Variants in CHRM3 observed in about 807,000 individuals in gnomAD.
CHRM3 encodes muscarinic acetylcholine receptor M3.
Under a neutral mutation model 41.8 loss-of-function variants are expected in CHRM3, and 11 were observed. The observed-to-expected ratio is 0.26, with a 90% CI of 0.17 to 0.44. The LOEUF (loss-of-function observed/expected upper bound fraction) is 0.44. Ranked by LOEUF, CHRM3 falls within the 20% of genes least tolerant of loss-of-function variation. CHRM3 has a pLI of 1.00. For synonymous variants in CHRM3, 297 were observed against 301.4 expected, an observed-to-expected ratio of 0.99 and a Z score of 0.15; for missense variants, 571 against 745.4, an observed-to-expected ratio of 0.77 and a Z score of 2.72.
chr1:239,853,832 A>T (rs1489514640), intron 6 of CHRM3, among the ~76,000 whole-genome samples: 1 of 152,140 alleles, frequency 6.6e-6, no homozygotes, highest in Non-Finnish European at 1.5e-5. Flanking sequence ...GCCATAAAAA[A>T]TAATTTTTGA....
chr1:239,467,336 C>G (rs1281784531), intron 1 of CHRM3, among the ~76,000 whole-genome samples: 1 of 152,128 alleles, frequency 6.6e-6, no homozygotes, highest in African/African-American at 2.4e-5. Flanking sequence ...GATTCTCGCT[C>G]TGTCACCCAG....
chr1:239,824,253 G>A (rs141243338), intron 5 of CHRM3, among the ~76,000 whole-genome samples: 40 of 152,202 alleles, frequency 2.6e-4, no homozygotes, highest in Admixed American at 5.9e-4. Flanking sequence ...TGTGAGCTAC[G>A]GCAGAGAACA....
chr1:239,858,303 C>T (rs1675289254), intron 6 of CHRM3, among the ~76,000 whole-genome samples: 1 of 152,080 alleles, frequency 6.6e-6, no homozygotes, highest in Admixed American at 6.6e-5. Flanking sequence ...TTTCCTTCTC[C>T]ACCCTTCCCC....
At chr1:239,816,594 G>C (rs1671607470) in intron 5 of CHRM3, among the ~76,000 whole-genome samples, 1 of 152,082 alleles carries the variant, frequency 6.6e-6, no homozygotes, top group African/African-American at 2.4e-5. Context: ...GAAGTACCAA[G>C]CAAGGTGGAT....
At chr1:239,624,904 C>G (rs2148833329) in intron 3 of CHRM3, among the ~76,000 whole-genome samples, 1 of 36,230 alleles carries the variant, frequency 2.8e-5, no homozygotes, top group East Asian at 7.8e-4. Flanking sequence ...TTACTGTAGC[C>G]TTGTAGTATA....
intron 3 of CHRM3, among the ~76,000 whole-genome samples, chr1:239,550,071 C>A (rs1377608158): frequency 1.3e-5 from 2 of 151,580 alleles, no homozygotes; most frequent in African/African-American, 4.9e-5. Flanking sequence ...TTTATGTGAC[C>A]CTCTCTCACA....
At chr1:239,388,201 TC>T (rs76484712) in intron 1 of CHRM3, among the ~76,000 whole-genome samples, 8,418 of 152,130 alleles carry the variant, frequency 0.055, 385 homozygotes, top group East Asian at 0.22. Flanking sequence ...CTGGAACCTG[TC>T]CAAAGGCTGC....
At chr1:239,754,784 A>G (rs551574106) in intron 5 of CHRM3, among the ~76,000 whole-genome samples, 2 of 152,274 alleles carry the variant, frequency 1.3e-5, no homozygotes, top group South Asian at 4.1e-4. Flanking sequence ...ACCCCTACCT[A>G]ACCAACAGCA....
rs75433263 is a variant in CHRM3, at chr1:239,778,618, A to G, written c.-146-48634A>G. Among the ~76,000 whole-genome samples, 1,060 of 152,242 alleles carry G rather than the reference A, an allele frequency of 7.0e-3. 8 individuals are homozygous for G. Among genetic ancestry groups the G allele is most frequent in the African/African-American group, 0.024 (1,009 of 41,538 alleles). On this transcript the variant is annotated intron_variant, in intron 5 of 6. Coordinates refer to ENST00000676153, the MANE Select transcript of CHRM3 (RefSeq NM_001375978.1). ...TCTGGCCCTTCTCCAGCAACATTAT[A>G]GGATTCTCTTAGGGCAGTCACAAAG...
At chr1:239,512,105 C>T (rs1326747840) in intron 2 of CHRM3, among the ~76,000 whole-genome samples, 4 of 152,018 alleles carry the variant, frequency 2.6e-5, no homozygotes, top group South Asian at 2.1e-4. Flanking sequence ...CCTGGGTGGA[C>T]GGGCACTAGG....
At chr1:239,815,859 A>G (rs1335420440) in intron 5 of CHRM3, among the ~76,000 whole-genome samples, 1 of 152,174 alleles carries the variant, frequency 6.6e-6, no homozygotes, top group African/African-American at 2.4e-5. Flanking sequence ...TGCACTCTTA[A>G]TTAACTCTTC....
chr1:239,719,295 A>G (rs571340595), intron 5 of CHRM3, among the ~76,000 whole-genome samples: 1 of 152,064 alleles, frequency 6.6e-6, no homozygotes, highest in Admixed American at 6.6e-5. Context: ...GCTCTTGGTT[A>G]TACCTGTCCA....
intron 5 of CHRM3, among the ~76,000 whole-genome samples, chr1:239,783,206 T>A (rs1488377037): frequency 1.3e-5 from 2 of 152,016 alleles, no homozygotes; most frequent in Non-Finnish European, 2.9e-5. Context: ...TCTCCAGCTA[T>A]AATATTGGAT....
intron 1 of CHRM3, among the ~76,000 whole-genome samples, chr1:239,411,593 C>T (rs919574936): frequency 6.6e-6 from 1 of 151,716 alleles, no homozygotes; most frequent in African/African-American, 2.4e-5. Context: ...GGCCTGGTGG[C>T]ATGCACATAC....
chr1:239,689,658 A>G (rs1008323590), intron 5 of CHRM3, among the ~76,000 whole-genome samples: 4 of 152,156 alleles, frequency 2.6e-5, no homozygotes, highest in African/African-American at 9.7e-5. Flanking sequence ...TAACAGCGGG[A>G]TATCTATTGA....
chr1:239,529,158 G>T (rs1290887847), intron 2 of CHRM3, among the ~76,000 whole-genome samples: 1 of 152,130 alleles, frequency 6.6e-6, no homozygotes, highest in Non-Finnish European at 1.5e-5. Flanking sequence ...AGAAATGCAT[G>T]TGAGTCTTGT....
chr1:239,453,779 A>G (rs1381513910), intron 1 of CHRM3, among the ~76,000 whole-genome samples: 1 of 152,188 alleles, frequency 6.6e-6, no homozygotes, highest in African/African-American at 2.4e-5. Flanking sequence ...TAGAGGTACA[A>G]CAAATTCACT....
chr1:239,908,827 A>G lies in CHRM3; in HGVS notation c.1376A>G (p.Lys459Arg), dbSNP rs754856788. ...ACGGCCACTCTACCTCTGTCCTTCA[A>G]GGAAGCCACTCTGGCCAAGAGGTTT... ...KSTATLPLSFKEATLAKRFAL... is the reference protein window; with the variant it reads ...KSTATLPLSFREATLAKRFAL... The change falls in exon 7 of 7, where the codon AAG becomes AGG. Residue 459 changes from lysine (K) to arginine (R), a missense_variant. Coordinates refer to ENST00000676153, the MANE Select transcript of CHRM3 (RefSeq NM_001375978.1). This position sits in a 1 kb window ranked among gnomAD's most constrained non-coding sequence, Gnocchi z 7.2. 8 of 1,614,014 alleles carry G rather than the reference A, an allele frequency of 5.0e-6. No individual in the cohort carries two copies. Among genetic ancestry groups the G allele is most frequent in the African/African-American group, 4.0e-5 (3 of 74,922 alleles).
intron 1 of CHRM3, among the ~76,000 whole-genome samples, chr1:239,411,720 C>CA (rs1161775399): frequency 0.085 from 3,947 of 46,668 alleles, 913 homozygotes; most frequent in Admixed American, 0.1. Flanking sequence ...GCCTCTGTCT[C>CA]AAAAAAAAAA....
Sources: gnomAD v4.1 joint callset for allele counts (sites outside exome capture counted in the v4.1 genomes callset) on GRCh38, gnomAD v4.1.1 for gene constraint, Gnocchi (gnomAD v3.1) non-coding constraint, MANE v1.5 for transcripts, NCBI Gene and HGNC (gene_info 2026-07-23, HGNC 2026-07-21) for gene names.